The following CDC42BPA variants were observed in gnomAD, a reference collection of about 807,000 sequenced individuals.
CDC42BPA encodes the protein CDC42 binding protein kinase alpha, also known as serine/threonine-protein kinase MRCK alpha.
In CDC42BPA, 80 loss-of-function variants were observed where a neutral mutation model predicts 223.5. That is an observed-to-expected ratio of 0.36 (90% CI 0.30 to 0.43). CDC42BPA has a LOEUF of 0.43. CDC42BPA is among the 20% of genes least tolerant of loss of function. The pLI, the probability that CDC42BPA is intolerant of heterozygous loss-of-function variation, is 1.00. For synonymous variants in CDC42BPA, 694 were observed against 718.6 expected (o/e 0.97, Z 0.55); for missense variants, 1,743 against 2,099.9 (o/e 0.83, Z 3.32).
intron 5 of CDC42BPA, chr1:227,180,627 A>ATT (rs1667772789): frequency 6.6e-6 from 1 of 152,226 alleles, no homozygotes; most frequent in African/African-American, 2.4e-5. Context: ...AGTTGGTAAC[A>ATT]TTTTGGTGCC....
intron 10 of CDC42BPA, among the ~76,000 whole-genome samples, chr1:227,132,910 A>G: frequency 2.1e-5 from 3 of 144,394 alleles, no homozygotes; most frequent in Non-Finnish European, 4.5e-5. Flanking sequence ...GCCCCGACTG[A>G]GAGGTGAGGA....
intron 9 of CDC42BPA, among the ~76,000 whole-genome samples, chr1:227,140,848 G>A (rs142397583): frequency 4.0e-4 from 61 of 152,246 alleles, no homozygotes; most frequent in Non-Finnish European, 7.9e-4. Context: ...GGAGATGCAC[G>A]TTTAGGAGTC....
intron 11 of CDC42BPA, among the ~76,000 whole-genome samples, chr1:227,126,685 A>G (rs1392463989): frequency 6.6e-6 from 1 of 152,220 alleles, no homozygotes; most frequent in South Asian, 2.1e-4. Flanking sequence ...GGCTGGTTCA[A>G]TACTTTAAAA....
intron 12 of CDC42BPA, among the ~76,000 whole-genome samples, chr1:227,119,151 G>A (rs1274399961): frequency 6.6e-6 from 1 of 152,038 alleles, no homozygotes; most frequent in Non-Finnish European, 1.5e-5. Context: ...GCTAGTATTA[G>A]TCCCAACATT....
intron 1 of CDC42BPA, 138 bp from the exon 2 acceptor site, chr1:227,254,293 A>T: frequency 1.9e-6 from 1 of 540,054 alleles, no homozygotes; most frequent in South Asian, 2.6e-5. Context: ...ATCCCAAACT[A>T]TATGAGAATA....
At chr1:227,204,264 C>T (rs956366717) in intron 3 of CDC42BPA, among the ~76,000 whole-genome samples, 2 of 152,058 alleles carry the variant, frequency 1.3e-5, no homozygotes, top group Non-Finnish European at 2.9e-5. Context: ...ATGGCCAAAT[C>T]AAACATGAGA....
chr1:227,314,918 A>G (rs1218166731), intron 1 of CDC42BPA, among the ~76,000 whole-genome samples: 1 of 152,072 alleles, frequency 6.6e-6, no homozygotes, highest in Non-Finnish European at 1.5e-5. Context: ...ACTGAGGTCA[A>G]TTCACAATTT....
intron 1 of CDC42BPA, among the ~76,000 whole-genome samples, chr1:227,297,285 C>A (rs1690810956): frequency 6.6e-6 from 1 of 152,112 alleles, no homozygotes; most frequent in African/African-American, 2.4e-5. Flanking sequence ...ACAGAAAGTA[C>A]CAAATGTTAG....
chr1:227,138,186 T>C (rs549735771), intron 10 of CDC42BPA, among the ~76,000 whole-genome samples: 2 of 152,194 alleles, frequency 1.3e-5, no homozygotes, highest in South Asian at 2.1e-4. Context: ...AGTTTTGTGA[T>C]TGTAAAACTT....
chr1:227,027,843 G>T (rs1668554248), intron 30 of CDC42BPA, among the ~76,000 whole-genome samples: 1 of 152,200 alleles, frequency 6.6e-6, no homozygotes, highest in African/African-American at 2.4e-5. Flanking sequence ...GAGTCTGGGT[G>T]TGGTGAGTCA....
At chr1:227,271,136 C>G (rs370023576) in intron 1 of CDC42BPA, among the ~76,000 whole-genome samples, 2 of 152,114 alleles carry the variant, frequency 1.3e-5, no homozygotes, top group East Asian at 1.9e-4. Flanking sequence ...AATGTGATAT[C>G]TGGTGCATAA....
At chr1:227,030,381 CT>C in intron 29 of CDC42BPA, 26 bp downstream of exon 29, 1 of 1,442,134 alleles carries the variant, frequency 6.9e-7, no homozygotes, top group Admixed American at 2.0e-5. Flanking sequence ...TTTAAAATTA[CT>C]CCAAAAAAAA....
intron 2 of CDC42BPA, among the ~76,000 whole-genome samples, chr1:227,225,910 T>A (rs1676782051): frequency 6.6e-6 from 1 of 152,224 alleles, no homozygotes; most frequent in Non-Finnish European, 1.5e-5. Flanking sequence ...AGCATGCTGC[T>A]CTACTTCCCT....
At chr1:226,998,322 A>AG (rs1461610673) in intron 35 of CDC42BPA, among the ~76,000 whole-genome samples, 1 of 152,230 alleles carries the variant, frequency 6.6e-6, no homozygotes, top group Admixed American at 6.5e-5. Context: ...ACCAAAAAAT[A>AG]GCCTGTATAG....
intron 17 of CDC42BPA, among the ~76,000 whole-genome samples, chr1:227,077,976 G>C (rs937417549): frequency 3.9e-5 from 6 of 152,078 alleles, no homozygotes; most frequent in African/African-American, 1.4e-4. Context: ...TTACTGTTAA[G>C]AGCTATTTGC....
chr1:227,027,201 G>A (rs868625235), intron 30 of CDC42BPA, among the ~76,000 whole-genome samples: 3 of 152,186 alleles, frequency 2.0e-5, no homozygotes, highest in Middle Eastern at 3.2e-3. Context: ...ACAAAAAATA[G>A]TTAAGTCGTT....
chr1:227,218,395 TG>T (rs1455672227), intron 2 of CDC42BPA, among the ~76,000 whole-genome samples: 1 of 152,230 alleles, frequency 6.6e-6, no homozygotes, highest in Non-Finnish European at 1.5e-5. Flanking sequence ...CTATCATTTA[TG>T]ATTAATAATA....
At chr1:227,143,907 G>A (rs1207327507) in intron 8 of CDC42BPA, among the ~76,000 whole-genome samples, 1 of 152,164 alleles carries the variant, frequency 6.6e-6, no homozygotes, top group Non-Finnish European at 1.5e-5. Flanking sequence ...ACTGTACTAT[G>A]TATTTAATTT....
intron 35 of CDC42BPA, among the ~76,000 whole-genome samples, chr1:227,003,064 C>T (rs910484316): frequency 6.6e-6 from 1 of 151,912 alleles, no homozygotes; most frequent in South Asian, 2.1e-4. Flanking sequence ...ATCTTTATGT[C>T]GTCAGAATCT....
Sources: gnomAD v4.1 joint callset for allele counts (sites outside exome capture counted in the v4.1 genomes callset) on GRCh38, gnomAD v4.1.1 for gene constraint, MANE v1.5 for transcripts, NCBI Gene and HGNC (gene_info 2026-07-23, HGNC 2026-07-21) for gene names.